FBXL6: variants seen among roughly 807,000 people sequenced by gnomAD.
FBXL6 encodes the protein F-box and leucine rich repeat protein 6.
A neutral mutation model predicts 53.3 loss-of-function variants in FBXL6; 50 were observed. The ratio of observed to expected loss-of-function variants is 0.94; its 90% confidence interval spans 0.75 to 1.19. The LOEUF is 1.19. Among genes scored for constraint, FBXL6 ranks in the 50% most tolerant of loss-of-function variants. The pLI is 0.00. For missense variants in FBXL6, 815 were observed against 719.0 expected (o/e 1.13, Z -1.53); for synonymous variants, 405 against 322.9 (o/e 1.25, Z -2.73).
chr8:144,355,675 A>G lies in FBXL6; in HGVS notation c.1476T>C (p.Ser492=). The G allele has an allele frequency of 6.2e-7, 1 of 1,610,648 alleles. No individual in the cohort carries two copies. Among genetic ancestry groups the G allele is most frequent in the Non-Finnish European group, 8.5e-7 (1 of 1,179,756 alleles). ...GCAGGCCCGGGCAGCCGCTGATCAC[A>G]GAGCTGTGGGGAGGGCAGACCACAG... The part of the protein sequence containing the change: ...GTRVTPSTVS[S]VISGCPGLLY... Residue 492 remains serine (S), a synonymous_variant, in exon 9 of 9, where the codon TCT becomes TCC. Transcript: ENST00000331890.
At chr8:144,357,566 C>T in intron 2 of FBXL6, 62 bp downstream of exon 2, 8 of 1,611,206 alleles carry the variant, frequency 5.0e-6, no homozygotes, top group South Asian at 2.2e-5. Flanking sequence ...CACCCAACAC[C>T]TTGGTGCAGG....
chr8:144,358,089 A>G lies in FBXL6; in HGVS notation c.359T>C (p.Leu120Pro). The G allele has an allele frequency of 6.3e-7, 1 of 1,598,430 alleles. No homozygotes were observed. ...CACCAACAACCCGAAAATCTGCACCAGGATTTCCAAGGGAATGCGGTCTCC... is the reference window on the plus strand; with the variant it reads ...CACCAACAACCCGAAAATCTGCACCGGGATTTCCAAGGGAATGCGGTCTCC... ...GWGDRIPLEI[L>P]VQIFGLLVAA... Residue 120 changes from leucine to proline, a missense_variant, in exon 1 of 9, where the codon CTG becomes CCG. Transcript: ENST00000331890.
At position 144,355,658 on chromosome 8, in the gene FBXL6, G is replaced by A. The variant is rs782380191; in HGVS notation, c.1493C>T (p.Pro498Leu). Residue 498 changes from proline to leucine, a missense_variant, in exon 9 of 9, where the codon CCG becomes CTG. Transcript: ENST00000331890. ...CTCCAGGTTGAGGTAGAGCAGGCCC[G>A]GGCAGCCGCTGATCACAGAGCTGTG... ...STVSSVISGCPGLLYLNLESC... is the reference protein window; with the variant it reads ...STVSSVISGCLGLLYLNLESC... 24 of 1,610,842 alleles carry A rather than the reference G, an allele frequency of 1.5e-5. No individual in the cohort carries two copies. The highest frequency in any genetic ancestry group is 7.7e-5 in the South Asian group (7 of 90,986).
rs1564649693 is a variant in FBXL6 at position 144,357,046 on chromosome 8, C to T, written c.715G>A (p.Val239Ile). 1 of 1,612,966 alleles carries T rather than the reference C, an allele frequency of 6.2e-7. No homozygotes were observed. Among genetic ancestry groups the T allele is most frequent in the Non-Finnish European group, 8.5e-7 (1 of 1,180,012 alleles). ...GCHGVTADALVMLAKACCQLH... is the reference protein window; with the variant it reads ...GCHGVTADALIMLAKACCQLH... ...TGGCAGCAGGCTTTGGCTAGCATGACCAGAGCGTCAGCAGTCACACCGTGG... is the reference window on the plus strand; with the variant it reads ...TGGCAGCAGGCTTTGGCTAGCATGATCAGAGCGTCAGCAGTCACACCGTGG... Residue 239 changes from valine to isoleucine, a missense_variant, in exon 4 of 9, where the codon GTC becomes ATC. Physicochemically the swap from Val to Ile is conservative, Grantham distance 29. Transcript: ENST00000331890.
Position 144,356,187 on chromosome 8 carries a change from T to C in FBXL6, c.1253A>G (p.Tyr418Cys), listed in dbSNP as rs782365735. 6.7e-7 allele frequency: 1 copy of C among 1,495,504 alleles called. No individual in the cohort carries two copies. The highest frequency in any genetic ancestry group is 8.9e-7 in the Non-Finnish European group (1 of 1,121,488). The allele number at this position is 1,495,504 out of a possible 1,614,324, so 92.6% of individuals were successfully genotyped here. Reference sequence around the variant, plus strand: ...TAGAGTCAGCCGGTCTGACGTGCCATACAGGCCCAGATGAAGCTGCTCCAG... The same window carrying C: ...TAGAGTCAGCCGGTCTGACGTGCCACACAGGCCCAGATGAAGCTGCTCCAG... ...RELEQLHLGL[Y>C]GTSDRLTLAK... The change falls in exon 8 of 9, where the codon TAT becomes TGT. Residue 418 changes from tyrosine to cysteine, a missense_variant. Physicochemically the swap from Tyr to Cys is radical, Grantham distance 194. Transcript: ENST00000331890.
At position 144,357,024 on chromosome 8, in the gene FBXL6, C is replaced by CA. The variant is rs782464019; in HGVS notation, c.736dup (p.Cys246LeufsTer5). 1 of 1,613,052 alleles carries CA rather than the reference C, an allele frequency of 6.2e-7. No homozygotes were observed. Among genetic ancestry groups the CA allele is most frequent in the South Asian group, 1.1e-5 (1 of 91,090 alleles). On this transcript the variant is annotated frameshift_variant, in exon 4 of 9. Coordinates refer to ENST00000331890, the MANE Select transcript of FBXL6 (RefSeq NM_012162.4). LOFTEE classifies it high-confidence loss of function. ...CTGTAGGTCCAGGCTATGGAGCTGG[C>CA]AGCAGGCTTTGGCTAGCATGACCAG...
At chr8:144,357,830 A>G (rs781895643) in intron 1 of FBXL6, 44 bp from the exon 2 acceptor site, 64 of 1,462,504 alleles carry the variant, frequency 4.4e-5, no homozygotes, top group Non-Finnish European at 5.4e-5. Context: ...TCCGTAGGCG[A>G]TGCCCCCCTC....
rs1230504504 is a variant in FBXL6 at position 144,356,919 on chromosome 8, G to A, written c.772-4C>T. The A allele has an allele frequency of 6.2e-7, 1 of 1,613,228 alleles. No individual in the cohort carries two copies. Among genetic ancestry groups the A allele is most frequent in the African/African-American group, 1.3e-5 (1 of 75,032 alleles). On this transcript the variant is annotated splice_polypyrimidine_tract_variant and splice_region_variant and intron_variant, in intron 4 of 8. Transcript: ENST00000331890. ...TCACCACAGCTGTGGACTCCACCTG[G>A]GGCCCCAATACAAGAGCACCCGTCA... is the stretch of plus-strand genomic sequence containing the variant.
intron 8 of FBXL6, 43 bp from the exon 9 acceptor site, chr8:144,355,721 G>A (rs1164319063): frequency 1.1e-5 from 18 of 1,603,362 alleles, no homozygotes; most frequent in Non-Finnish European, 1.5e-5. Context: ...TGTTGCCTCA[G>A]AAGGGCTGGG....
Position 144,358,124 on chromosome 8 carries a change from GTCGGGCCCTTCC to G in FBXL6, c.312_323del (p.Glu104_Pro107del). 6.3e-7 allele frequency: 1 copy of G among 1,576,426 alleles called. No homozygotes were observed. Among genetic ancestry groups the G allele is most frequent in the Non-Finnish European group, 8.6e-7 (1 of 1,166,728 alleles). On this transcript the variant is annotated inframe_deletion, in exon 1 of 9. Coordinates refer to ENST00000331890, the MANE Select transcript of FBXL6 (RefSeq NM_012162.4). ...AGGGAATGCGGTCTCCCCAGCCCGCGTCGGGCCCTTCCTCGGGCGTGGGCGTGGGTGCCGGTG... is the reference window on the plus strand; with the variant it reads ...AGGGAATGCGGTCTCCCCAGCCCGCGTCGGGCGTGGGCGTGGGTGCCGGTG...
chr8:144,356,342 C>G lies in FBXL6; in HGVS notation c.1183G>C (p.Ala395Pro). 6.2e-7 allele frequency: 1 copy of G among 1,604,576 alleles called. No individual in the cohort carries two copies. Among genetic ancestry groups the G allele is most frequent in the Non-Finnish European group, 8.5e-7 (1 of 1,178,868 alleles). The change falls in exon 7 of 9, where the codon GCG (alanine) becomes CCG (proline). Residue 395 changes from alanine to proline, a missense_variant. Physicochemically the swap from Ala to Pro is conservative, Grantham distance 27. Coordinates refer to ENST00000331890, the MANE Select transcript of FBXL6 (RefSeq NM_012162.4). The part of the protein sequence containing the change: ...NLRLLDLRGC[A>P]RITPAGLQDL... Reference sequence around the variant, plus strand: ...TGAAGGCCAGCCGGCGTGATGCGCGCACAGCCACGAAGATCCAGTAAGCGC... The same window carrying G: ...TGAAGGCCAGCCGGCGTGATGCGCGGACAGCCACGAAGATCCAGTAAGCGC...
chr8:144,357,977 G>T, intron 1 of FBXL6, 55 bp downstream of exon 1: 5 of 1,537,080 alleles, frequency 3.3e-6, no homozygotes, highest in Admixed American at 2.1e-5. Flanking sequence ...CCACCGCTCG[G>T]ACCACGTCTG....
At position 144,356,359 on chromosome 8, in the gene FBXL6, A is replaced by G. The variant is rs1818414449; in HGVS notation, c.1166T>C (p.Leu389Pro). ...GATGCGCGCACAGCCACGAAGATCCAGTAAGCGCAGGTTGGGAGAGCCGTG... is the reference window on the plus strand; with the variant it reads ...GATGCGCGCACAGCCACGAAGATCCGGTAAGCGCAGGTTGGGAGAGCCGTG... The part of the protein sequence containing the change: ...LLHGSPNLRL[L>P]DLRGCARITP... The change falls in exon 7 of 9, where the codon CTG becomes CCG. Residue 389 changes from leucine to proline, a missense_variant. Coordinates refer to ENST00000331890, the MANE Select transcript of FBXL6 (RefSeq NM_012162.4). 6 of 1,248,106 alleles carry G rather than the reference A, an allele frequency of 4.8e-6. No individual in the cohort carries two copies. The highest frequency in any genetic ancestry group is 2.2e-5 in the African/African-American group (1 of 45,900). 77.3% of individuals were successfully genotyped at this position (1,248,106 alleles called of 1,614,324 possible).
At chr8:144,357,211 T>C (rs1323113900) in intron 3 of FBXL6, 90 bp from the exon 4 acceptor site, 6 of 1,543,294 alleles carry the variant, frequency 3.9e-6, no homozygotes, top group Non-Finnish European at 5.3e-6. Flanking sequence ...CCAACCCCAC[T>C]CTACCGCCTT....
intron 2 of FBXL6, 26 bp downstream of exon 2, chr8:144,357,602 G>A (rs1384367031): frequency 7.5e-6 from 12 of 1,606,068 alleles, no homozygotes; most frequent in Admixed American, 3.4e-5. Context: ...TGGAGCCAGG[G>A]GTAAGGAAGA....
intron 3 of FBXL6, 82 bp downstream of exon 3, chr8:144,357,357 C>T: frequency 6.9e-7 from 1 of 1,444,700 alleles, no homozygotes. Context: ...GTTGGGCCCC[C>T]AAGGTGCCTG....
At chr8:144,356,746 G>A in intron 5 of FBXL6, 33 bp from the exon 6 acceptor site, 2 of 1,609,112 alleles carry the variant, frequency 1.2e-6, no homozygotes, top group South Asian at 1.1e-5. Flanking sequence ...TAGGTCACAG[G>A]GTCAGTGGCC....
Position 144,356,048 on chromosome 8 carries a change from G to A in FBXL6, c.1392C>T (p.Phe464=). Residue 464 remains phenylalanine (F), a synonymous_variant, in exon 8 of 9, where the codon TTC becomes TTT. Coordinates refer to ENST00000331890, the MANE Select transcript of FBXL6 (RefSeq NM_012162.4). The part of the protein sequence containing the change: ...EKDLEQALAA[F]LSTPGGSHPA... Reference sequence around the variant, plus strand: ...GGTGTGAGCCCCCAGGGGTGCTTAAGAAGGCAGCCAGGGCCTGCTCCAGGT... The same window carrying A: ...GGTGTGAGCCCCCAGGGGTGCTTAAAAAGGCAGCCAGGGCCTGCTCCAGGT... 1 of 1,613,022 alleles carries A rather than the reference G, an allele frequency of 6.2e-7. No individual in the cohort carries two copies. The highest frequency in any genetic ancestry group is 8.5e-7 in the Non-Finnish European group (1 of 1,180,008).
chr8:144,356,982 G>T lies in FBXL6; in HGVS notation c.771+8C>A, dbSNP rs782776424. On this transcript the variant is annotated splice_region_variant and intron_variant, in intron 4 of 8. Coordinates refer to ENST00000331890, the MANE Select transcript of FBXL6 (RefSeq NM_012162.4). ...TTTTTTCAGGGCCCCTTGGGACACA[G>T]GGCTCACCATGGAGTGCTGTAGGTC... 1 of 1,613,050 alleles carries T rather than the reference G, an allele frequency of 6.2e-7. No homozygotes were observed. Among genetic ancestry groups the T allele is most frequent in the Non-Finnish European group, 8.5e-7 (1 of 1,180,008 alleles).
Sources: gnomAD v4.1 joint callset for allele counts on GRCh38, gnomAD v4.1.1 for gene constraint, MANE v1.5 for transcripts, NCBI Gene and HGNC (gene_info 2026-07-23, HGNC 2026-07-21) for gene names.